CNOT10: variants seen among roughly 807,000 people sequenced by gnomAD.
CNOT10 encodes CCR4-NOT transcription complex subunit 10, also known as CCR4-NOT transcription complex, subunit 10.
Under a neutral mutation model 94.6 loss-of-function variants are expected in CNOT10, and 30 were observed. That is an observed-to-expected ratio of 0.32 (90% CI 0.24 to 0.43). The LOEUF is 0.43. Ranked by LOEUF, CNOT10 falls within the 20% of genes least tolerant of loss-of-function variation. The pLI is 1.00. For missense variants in CNOT10, 759 were observed against 877.2 expected (o/e 0.87, Z 1.70); for synonymous variants, 289 against 301.6 (o/e 0.96, Z 0.43).
intron 1 of CNOT10, among the ~76,000 whole-genome samples, chr3:32,686,134 C>T (rs1696590669): frequency 2.0e-5 from 3 of 152,238 alleles, no homozygotes; most frequent in Middle Eastern, 3.4e-3. Flanking sequence ...TGCTCTAGTT[C>T]CTCGAAATTA....
chr3:32,694,708 G>T (rs1696978454), intron 1 of CNOT10, among the ~76,000 whole-genome samples: 1 of 152,060 alleles, frequency 6.6e-6, no homozygotes, highest in Non-Finnish European at 1.5e-5. Flanking sequence ...TCCCGCCTCA[G>T]CCTCCTGAGT....
intron 13 of CNOT10, among the ~76,000 whole-genome samples, chr3:32,756,490 G>A (rs1452568970): frequency 1.3e-5 from 2 of 152,136 alleles, no homozygotes; most frequent in Non-Finnish European, 2.9e-5. Context: ...ACTGTCGGGA[G>A]AGGCCAGGGC....
intron 10 of CNOT10, among the ~76,000 whole-genome samples, chr3:32,731,536 G>A (rs1376392643): frequency 1.3e-5 from 2 of 152,062 alleles, no homozygotes; most frequent in Non-Finnish European, 1.5e-5. Flanking sequence ...GTGCAGTGGC[G>A]TGATCATGGC....
In CNOT10 at chr3:32,769,946, C is replaced by T; in HGVS notation, c.2064C>T (p.Tyr688=). Residue 688 remains tyrosine (Y), a synonymous_variant, in exon 18 of 19, where the codon TAC becomes TAT. Coordinates refer to ENST00000328834, the MANE Select transcript of CNOT10 (RefSeq NM_015442.3). ...CTGAGGCCATCTTGCTGGCAGTCTA[C>T]CTTGAACTGCAGAATGGTGAGTAAT... ...VPPEAILLAV[Y]LELQNGNTQL... 1.2e-6 allele frequency: 2 copies of T among 1,612,362 alleles called. No homozygotes were observed. Among genetic ancestry groups the T allele is most frequent in the Non-Finnish European group, 1.7e-6 (2 of 1,178,416 alleles).
At chr3:32,735,634 G>T (rs1699155495) in intron 12 of CNOT10, among the ~76,000 whole-genome samples, 1 of 152,076 alleles carries the variant, frequency 6.6e-6, no homozygotes, top group African/African-American at 2.4e-5. Flanking sequence ...TTGAACCCGG[G>T]AGGCAGAGGT....
intron 13 of CNOT10, among the ~76,000 whole-genome samples, chr3:32,751,356 T>G (rs747198745): frequency 1.3e-5 from 2 of 152,250 alleles, no homozygotes. Flanking sequence ...TTCTCCCACA[T>G]CAGCCTCCCA....
At chr3:32,740,028 T>G (rs1051842945) in intron 13 of CNOT10, among the ~76,000 whole-genome samples, 1 of 152,100 alleles carries the variant, frequency 6.6e-6, no homozygotes, top group African/African-American at 2.4e-5. Context: ...GCCCTGGAGG[T>G]CATGGCTGCA....
intron 16 of CNOT10, 95 bp downstream of exon 16, chr3:32,764,585 T>C: frequency 6.2e-7 from 1 of 1,602,752 alleles, no homozygotes; most frequent in Non-Finnish European, 8.5e-7. Flanking sequence ...GCCTGAGGAA[T>C]ACTGCTGTGC....
intron 14 of CNOT10, among the ~76,000 whole-genome samples, chr3:32,762,166 TAAAA>T (rs556098480): frequency 1.8e-5 from 2 of 110,162 alleles, no homozygotes; most frequent in African/African-American, 3.3e-5. Flanking sequence ...GGTCCCCAGT[TAAAA>T]AAAAAAAAAA....
At chr3:32,701,403 C>T (rs1303008108) in intron 1 of CNOT10, among the ~76,000 whole-genome samples, 2 of 152,142 alleles carry the variant, frequency 1.3e-5, no homozygotes, top group Non-Finnish European at 2.9e-5. Flanking sequence ...GGCTTAGACT[C>T]TTTTGAAAAA....
intron 4 of CNOT10, among the ~76,000 whole-genome samples, chr3:32,709,835 C>T (rs1283737797): frequency 6.6e-6 from 1 of 152,132 alleles, no homozygotes; most frequent in Non-Finnish European, 1.5e-5. Context: ...GGAGAAACTG[C>T]CTTTAAAGGC....
chr3:32,720,451 A>G (rs1698319010), intron 8 of CNOT10, among the ~76,000 whole-genome samples: 1 of 151,128 alleles, frequency 6.6e-6, no homozygotes. Flanking sequence ...TCTTTTTTTT[A>G]CTTTTCCAGG....
intron 13 of CNOT10, among the ~76,000 whole-genome samples, chr3:32,758,810 C>T (rs1321809869): frequency 2.0e-5 from 3 of 152,122 alleles, no homozygotes; most frequent in African/African-American, 4.8e-5. Context: ...TCCAACTTAG[C>T]GAAATCAATG....
At chr3:32,740,156 A>G (rs1699395652) in intron 13 of CNOT10, among the ~76,000 whole-genome samples, 1 of 152,020 alleles carries the variant, frequency 6.6e-6, no homozygotes, top group South Asian at 2.1e-4. Flanking sequence ...CTCAAAGGCA[A>G]CTTCTTACAG....
chr3:32,766,731 C>G (rs564479452), intron 17 of CNOT10, among the ~76,000 whole-genome samples: 1 of 151,678 alleles, frequency 6.6e-6, no homozygotes, highest in South Asian at 2.1e-4. Flanking sequence ...CAATATATAA[C>G]TAAAATAAAC....
chr3:32,734,747 C>A (rs1030843257), intron 11 of CNOT10, 53 bp from the exon 12 acceptor site: 5 of 1,384,874 alleles, frequency 3.6e-6, no homozygotes, highest in African/African-American at 1.4e-5. Flanking sequence ...AATAAAAGAG[C>A]CTTATTTTAA....
chr3:32,763,683 G>A (rs1700545611), intron 15 of CNOT10, among the ~76,000 whole-genome samples: 1 of 152,014 alleles, frequency 6.6e-6, no homozygotes, highest in Non-Finnish European at 1.5e-5. Context: ...TTAAAGCTAT[G>A]TGACATTCAT....
intron 13 of CNOT10, among the ~76,000 whole-genome samples, chr3:32,756,607 A>C (rs903041887): frequency 1.3e-5 from 2 of 152,226 alleles, no homozygotes; most frequent in Non-Finnish European, 2.9e-5. Context: ...AGTTGGCTTC[A>C]TTAGCAAAGT....
chr3:32,766,588 G>A (rs111953150), intron 17 of CNOT10, among the ~76,000 whole-genome samples: 2,183 of 110,122 alleles, frequency 0.02, 507 homozygotes, highest in South Asian at 0.044. Flanking sequence ...AGCCAAGATC[G>A]CGCCACTGCA....
Sources: allele counts gnomAD v4.1 joint callset (sites outside exome capture counted in the v4.1 genomes callset), GRCh38; gene constraint gnomAD v4.1.1; transcripts MANE v1.5; gene names NCBI Gene and HGNC (gene_info 2026-07-23, HGNC 2026-07-21).